Variants in TAFA1 observed in about 807,000 individuals in gnomAD.
The protein encoded by TAFA1 is chemokine-like protein TAFA-1.
In TAFA1, 4 loss-of-function variants were observed where a neutral mutation model predicts 18.5. That is an observed-to-expected ratio of 0.22 (90% confidence interval 0.11 to 0.49). The LOEUF is 0.49. Among genes scored for constraint, TAFA1 ranks in the 20% least tolerant of loss-of-function variants. TAFA1 has a pLI of 0.98. For missense variants in TAFA1, 147 were observed against 169.0 expected (o/e 0.87, Z 0.72); for synonymous variants, 56 against 55.2 (o/e 1.01, Z -0.06).
chr3:68,139,230 A>C (rs2065642170), intron 2 of TAFA1, among the ~76,000 whole-genome samples: 1 of 152,218 alleles, frequency 6.6e-6, no homozygotes, highest in South Asian at 2.1e-4. Context: ...ATATCAGGTC[A>C]ATTAACTTTA....
chr3:67,999,914 G>A (rs1171746422), upstream of TAFA1, among the ~76,000 whole-genome samples: 3 of 151,556 alleles, frequency 2.0e-5, no homozygotes, highest in East Asian at 5.8e-4. Context: ...TCAGCCTCCT[G>A]AGTAGTTGGA....
At chr3:68,493,106 G>A (rs2072482792) in intron 3 of TAFA1, among the ~76,000 whole-genome samples, 1 of 151,984 alleles carries the variant, frequency 6.6e-6, no homozygotes, top group African/African-American at 2.4e-5. Flanking sequence ...TTCTCATCTT[G>A]CAATAGTAAA....
intron 3 of TAFA1, among the ~76,000 whole-genome samples, chr3:68,473,471 T>C (rs567020954): frequency 1.3e-5 from 2 of 152,222 alleles, no homozygotes; most frequent in African/African-American, 4.8e-5. Flanking sequence ...TCCAGTCTAT[T>C]TTTTTTAAGT....
At chr3:68,375,158 A>G (rs2069784254) in intron 2 of TAFA1, among the ~76,000 whole-genome samples, 1 of 152,002 alleles carries the variant, frequency 6.6e-6, no homozygotes, top group African/African-American at 2.4e-5. Context: ...CCAAACATAA[A>G]TAGCCTTCTA....
At chr3:68,336,329 A>G (rs1410108043) in intron 2 of TAFA1, among the ~76,000 whole-genome samples, 1 of 152,132 alleles carries the variant, frequency 6.6e-6, no homozygotes, top group African/African-American at 2.4e-5. Context: ...TTTGATCTCT[A>G]ATTTTCATGC....
At position 68,075,862 on chromosome 3, in the gene TAFA1, A is replaced by G. The variant is rs534207116; in HGVS notation, c.118+69118A>G. 2.6e-5 allele frequency among the ~76,000 whole-genome samples: 4 copies of G among 152,108 alleles called. No individual in the cohort carries two copies. The South Asian group carries it at 8.3e-4, about 32-fold the overall frequency. ...CAGGCACATGCCACCATGCCTAGCTAAGTTTTGCATTTTTCGCAGAGATGG... is the reference window on the plus strand; with the variant it reads ...CAGGCACATGCCACCATGCCTAGCTGAGTTTTGCATTTTTCGCAGAGATGG... On this transcript the variant is annotated intron_variant, in intron 2 of 4. Transcript: ENST00000478136.
At chr3:68,140,443 T>A (rs1039532975) in intron 2 of TAFA1, among the ~76,000 whole-genome samples, 2 of 152,212 alleles carry the variant, frequency 1.3e-5, no homozygotes, top group African/African-American at 4.8e-5. Flanking sequence ...TCCTCCTCAG[T>A]CATCTTGGAT....
chr3:68,262,632 G>A (rs763909137), intron 2 of TAFA1, among the ~76,000 whole-genome samples: 3 of 151,938 alleles, frequency 2.0e-5, no homozygotes, highest in Non-Finnish European at 4.4e-5. Context: ...TTACGGCTGT[G>A]TAGTATTCCA....
At chr3:68,260,615 G>A (rs1414462597) in intron 2 of TAFA1, among the ~76,000 whole-genome samples, 12 of 151,916 alleles carry the variant, frequency 7.9e-5, no homozygotes, top group Non-Finnish European at 1.5e-4. Context: ...AAATAATGCC[G>A]CATATCTACA....
At chr3:68,339,972 A>G (rs934416454) in intron 2 of TAFA1, among the ~76,000 whole-genome samples, 2 of 152,144 alleles carry the variant, frequency 1.3e-5, no homozygotes, top group Non-Finnish European at 2.9e-5. Flanking sequence ...TACGAATACT[A>G]TTTGTTCCAC....
chr3:68,440,574 C>T (rs1344328678), intron 3 of TAFA1, among the ~76,000 whole-genome samples: 1 of 152,130 alleles, frequency 6.6e-6, no homozygotes, highest in African/African-American at 2.4e-5. Flanking sequence ...CTTCTACTAC[C>T]CATTCTGTAT....
intron 2 of TAFA1, among the ~76,000 whole-genome samples, chr3:68,302,395 C>T (rs2068320857): frequency 6.6e-6 from 1 of 152,182 alleles, no homozygotes; most frequent in African/African-American, 2.4e-5. Context: ...TGGTCTCTCT[C>T]ATTCGAATTT....
intron 3 of TAFA1, among the ~76,000 whole-genome samples, chr3:68,467,747 G>C (rs879599306): frequency 2.6e-5 from 4 of 152,162 alleles, no homozygotes; most frequent in Admixed American, 2.6e-4. Flanking sequence ...TGGGGAACCT[G>C]GTTTCAAGGG....
At chr3:68,351,140 G>A (rs541320640) in intron 2 of TAFA1, among the ~76,000 whole-genome samples, 24 of 152,170 alleles carry the variant, frequency 1.6e-4, no homozygotes, top group Middle Eastern at 3.4e-3. Flanking sequence ...TAGAACCCAG[G>A]CATCAGTATT....
chr3:68,388,078 C>A (rs2070141965), intron 2 of TAFA1, among the ~76,000 whole-genome samples: 1 of 152,062 alleles, frequency 6.6e-6, no homozygotes, highest in African/African-American at 2.4e-5. Flanking sequence ...TTCAGTATTT[C>A]AATATGTCAT....
intron 2 of TAFA1, among the ~76,000 whole-genome samples, chr3:68,028,157 A>G (rs368297119): frequency 6.6e-6 from 1 of 152,000 alleles, no homozygotes; most frequent in South Asian, 2.1e-4. Context: ...AAAATTAGCC[A>G]GGTGTGGTGG....
chr3:68,251,256 A>G (rs2067190342), intron 2 of TAFA1, among the ~76,000 whole-genome samples: 1 of 152,144 alleles, frequency 6.6e-6, no homozygotes, highest in Non-Finnish European at 1.5e-5. Context: ...TCAGACTCCA[A>G]ATTCTAGGGC....
chr3:68,219,837 C>A (rs7628109), intron 2 of TAFA1, among the ~76,000 whole-genome samples: 2,094 of 152,138 alleles, frequency 0.014, 56 homozygotes, highest in African/African-American at 0.047. Flanking sequence ...ACCTTGGGAG[C>A]ATCTTAAATT....
Position 68,240,029 on chromosome 3 carries a change from A to G in TAFA1, c.119-177251A>G, listed in dbSNP as rs533777723. On this transcript the variant is annotated intron_variant, in intron 2 of 4. Coordinates refer to ENST00000478136, the MANE Select transcript of TAFA1 (RefSeq NM_213609.4). ...GGTTTTACACATAAGGCAATAGAGT[A>G]TTACAGAGGTAAAGTGATTACCCAA... Among the ~76,000 whole-genome samples, 11 of 152,338 alleles carry G rather than the reference A, an allele frequency of 7.2e-5. No individual in the cohort carries two copies. In the South Asian group the frequency reaches 1.0e-3, roughly 14 times the overall value.
Sources: gnomAD v4.1 joint callset for allele counts (sites outside exome capture counted in the v4.1 genomes callset) on GRCh38, gnomAD v4.1.1 for gene constraint, MANE v1.5 for transcripts, NCBI Gene and HGNC (gene_info 2026-07-23, HGNC 2026-07-21) for gene names.